Variants in DCDC2 observed in about 807,000 individuals in gnomAD.
DCDC2 encodes the protein doublecortin domain containing 2.
Under a neutral mutation model 50.2 loss-of-function variants are expected in DCDC2, and 40 were observed. That is an observed-to-expected ratio of 0.80 (90% CI 0.62 to 1.04). The LOEUF (loss-of-function observed/expected upper bound fraction) is 1.04. Among genes scored for constraint, DCDC2 ranks in the 50% least tolerant of loss-of-function variants. The pLI is 0.00. For synonymous variants in DCDC2, 234 were observed against 210.6 expected (o/e 1.11, Z -0.96); for missense variants, 570 against 581.9 (o/e 0.98, Z 0.21).
At chr6:24,374,161 C>CA in the DCDC2 span, among the ~76,000 whole-genome samples, 1,618 of 58,844 alleles carry the variant, frequency 0.027, 28 homozygotes, top group African/African-American at 0.074. Context: ...GACTCCATTT[C>CA]AAAAAAAAAA....
chr6:24,346,475 T>C (rs1760256894), intron 2 of DCDC2, among the ~76,000 whole-genome samples: 1 of 151,600 alleles, frequency 6.6e-6, no homozygotes, highest in Non-Finnish European at 1.5e-5. Context: ...CCATACACAG[T>C]CCGGGCGTGG....
At chr6:24,293,292 T>C (rs1763789531) in intron 4 of DCDC2, among the ~76,000 whole-genome samples, 2 of 152,212 alleles carry the variant, frequency 1.3e-5, no homozygotes, top group Non-Finnish European at 2.9e-5. Flanking sequence ...TGCTCTACTT[T>C]CTTCTTTTGC....
At chr6:24,295,972 C>A (rs555417462) in intron 4 of DCDC2, among the ~76,000 whole-genome samples, 14 of 152,282 alleles carry the variant, frequency 9.2e-5, no homozygotes, top group Non-Finnish European at 1.6e-4. Context: ...CTAGAAAAAA[C>A]TATTTTAAAA....
intron 7 of DCDC2, among the ~76,000 whole-genome samples, chr6:24,205,625 A>G (rs910006413): frequency 3.3e-5 from 5 of 151,742 alleles, no homozygotes; most frequent in Non-Finnish European, 7.4e-5. Context: ...TCACCAAAAA[A>G]TCAGTATCAT....
intron 9 of DCDC2, among the ~76,000 whole-genome samples, chr6:24,175,680 G>A (rs1443019599): frequency 6.6e-6 from 1 of 152,092 alleles, no homozygotes; most frequent in East Asian, 1.9e-4. Context: ...AATGTCAATT[G>A]TTTCTTGTAA....
At chr6:24,196,451 C>T (rs192311992) in intron 8 of DCDC2, among the ~76,000 whole-genome samples, 1 of 152,084 alleles carries the variant, frequency 6.6e-6, no homozygotes, top group South Asian at 2.1e-4. Flanking sequence ...GACAGAGTCT[C>T]GCTGTGTCAC....
intron 2 of DCDC2, among the ~76,000 whole-genome samples, chr6:24,328,460 T>C (rs963967023): frequency 2.0e-5 from 3 of 152,204 alleles, no homozygotes; most frequent in Non-Finnish European, 4.4e-5. Context: ...GTTTGTATAG[T>C]TTGAATGTCC....
At chr6:24,318,085 T>C (rs909076591) in intron 2 of DCDC2, among the ~76,000 whole-genome samples, 2 of 152,042 alleles carry the variant, frequency 1.3e-5, no homozygotes, top group Non-Finnish European at 2.9e-5. Context: ...GAGGGGAATT[T>C]AGCAATGTCT....
intron 8 of DCDC2, among the ~76,000 whole-genome samples, chr6:24,187,679 A>G (rs544694551): frequency 2.0e-5 from 3 of 152,160 alleles, no homozygotes; most frequent in Non-Finnish European, 2.9e-5. Flanking sequence ...TTTGTTCCCA[A>G]CACCACTGAC....
chr6:24,280,787 A>C (rs1043029034), intron 6 of DCDC2, among the ~76,000 whole-genome samples: 1 of 151,978 alleles, frequency 6.6e-6, no homozygotes, highest in African/African-American at 2.4e-5. Flanking sequence ...TGATCCACCC[A>C]CCTCAGCCTC....
rs369946666 is a variant in DCDC2, at chr6:24,328,823, G to C, written c.348+24746C>G. On this transcript the variant is annotated intron_variant, in intron 2 of 9. Coordinates refer to ENST00000378454, the MANE Select transcript of DCDC2 (RefSeq NM_016356.5). ...TACAGGTTACTACAGTTATTTGTAC[G>C]CATATCTACGCTTGCTGGACAACAA... 8.5e-5 allele frequency among the ~76,000 whole-genome samples: 13 copies of C among 152,088 alleles called. No homozygotes were observed. In the East Asian group the frequency reaches 2.3e-3, roughly 27 times the overall value.
intron 8 of DCDC2, among the ~76,000 whole-genome samples, chr6:24,204,124 A>G (rs1026395832): frequency 2.6e-5 from 4 of 152,146 alleles, no homozygotes; most frequent in Admixed American, 2.6e-4. Context: ...TGACCCAGCA[A>G]TCTCATTACT....
At chr6:24,303,867 G>C (rs1445999960) in intron 2 of DCDC2, among the ~76,000 whole-genome samples, 1 of 152,064 alleles carries the variant, frequency 6.6e-6, no homozygotes, top group Non-Finnish European at 1.5e-5. Context: ...ATGTCTATGA[G>C]CCCCTACTAT....
intron 2 of DCDC2, among the ~76,000 whole-genome samples, chr6:24,323,289 G>A (rs1216426971): frequency 6.6e-6 from 1 of 152,190 alleles, no homozygotes; most frequent in Non-Finnish European, 1.5e-5. Flanking sequence ...TGGTAGTTTG[G>A]TAGTTTTCTA....
At chr6:24,332,868 T>C (rs188228011) in intron 2 of DCDC2, among the ~76,000 whole-genome samples, 13 of 152,270 alleles carry the variant, frequency 8.5e-5, no homozygotes, top group African/African-American at 3.1e-4. Flanking sequence ...AAAATGAGTA[T>C]AAACAGGCAT....
At chr6:24,380,234 T>A in the DCDC2 span, among the ~76,000 whole-genome samples, 1 of 152,174 alleles carries the variant, frequency 6.6e-6, no homozygotes, top group Non-Finnish European at 1.5e-5. Context: ...AACATATGAA[T>A]GTTGTGGGGA....
At chr6:24,249,720 A>G (rs539336051) in intron 7 of DCDC2, among the ~76,000 whole-genome samples, 1 of 152,314 alleles carries the variant, frequency 6.6e-6, no homozygotes, top group South Asian at 2.1e-4. Context: ...TCCTAACAGC[A>G]TTTCTCAGGA....
upstream of DCDC2, among the ~76,000 whole-genome samples, chr6:24,358,853 TATATAATATATATAATATATATGTA>T: frequency 2.6e-5 from 1 of 38,968 alleles, no homozygotes; most frequent in African/African-American, 1.6e-4. Flanking sequence ...TTATATATTA[TATATAATATATATAATATATATGTA>T]TTATATATAT....
chr6:24,381,860 A>AAGGG, the DCDC2 span, among the ~76,000 whole-genome samples: 4 of 140,454 alleles, frequency 2.8e-5, no homozygotes, highest in South Asian at 2.4e-4. Flanking sequence ...GGAAGGAAGG[A>AAGGG]GAAATAAAAG....
Sources: allele counts gnomAD v4.1 joint callset (sites outside exome capture counted in the v4.1 genomes callset), GRCh38; gene constraint gnomAD v4.1.1; transcripts MANE v1.5; gene names NCBI Gene and HGNC (gene_info 2026-07-23, HGNC 2026-07-21).